Variants in PPIL6 observed in about 807,000 individuals in gnomAD.
PPIL6 encodes probable inactive peptidyl-prolyl cis-trans isomerase-like 6.
In PPIL6, 39 loss-of-function variants were observed where a neutral mutation model predicts 36.8. The observed-to-expected ratio is 1.06, with a 90% CI of 0.82 to 1.38. The LOEUF is 1.38. PPIL6 is among the 40% of genes most tolerant of loss of function. The pLI, the probability that PPIL6 is intolerant of heterozygous loss-of-function variation, is 0.00. For synonymous variants in PPIL6, 123 were observed against 134.1 expected (o/e 0.92, Z 0.57); for missense variants, 368 against 379.1 (o/e 0.97, Z 0.24).
At chr6:109,421,214 C>T (rs980571313) in intron 5 of PPIL6, among the ~76,000 whole-genome samples, 1 of 152,184 alleles carries the variant, frequency 6.6e-6, no homozygotes, top group African/African-American at 2.4e-5. Flanking sequence ...ATATTGACAC[C>T]ATTTCAATCC....
chr6:109,419,674 G>T (rs962946071), intron 5 of PPIL6, among the ~76,000 whole-genome samples: 8 of 151,758 alleles, frequency 5.3e-5, no homozygotes, highest in Non-Finnish European at 8.8e-5. Context: ...GGTGAGCCGA[G>T]ATTGCGCCAT....
chr6:109,430,031 T>G (rs1212841606), intron 3 of PPIL6, among the ~76,000 whole-genome samples: 1 of 152,216 alleles, frequency 6.6e-6, no homozygotes, highest in Non-Finnish European at 1.5e-5. Flanking sequence ...GTTTGAACAT[T>G]AAATGCCTCC....
Position 109,392,891 on chromosome 6 carries a change from G to T in PPIL6, c.871C>A (p.Pro291Thr), listed in dbSNP as rs763608879. ...TGTATTGGTCTTTCATTCTGTGTTGGAACTAATTCTAGTTGTTTAAGCACT... is the reference window on the plus strand; with the variant it reads ...TGTATTGGTCTTTCATTCTGTGTTGTAACTAATTCTAGTTGTTTAAGCACT... The part of the protein sequence containing the change: ...TEVLKQLELV[P>T]TQNERPIHMC... The change falls in exon 8 of 8, where the codon CCA (proline) becomes ACA (threonine). Residue 291 changes from proline (P) to threonine (T), a missense_variant. Transcript: ENST00000521072. The T allele has an allele frequency of 1.2e-6, 2 of 1,611,696 alleles. No homozygotes were observed. The highest frequency in any genetic ancestry group is 1.1e-5 in the South Asian group (1 of 90,774).
intron 7 of PPIL6, among the ~76,000 whole-genome samples, chr6:109,394,129 G>A (rs77031799): frequency 0.012 from 1,874 of 152,054 alleles, 27 homozygotes; most frequent in South Asian, 0.048. Context: ...CCAGCACTTT[G>A]GGAGGCCAAG....
Position 109,438,777 on chromosome 6 carries a change from TG to T in PPIL6, c.135+1678del, listed in dbSNP as rs566283543. On this transcript the variant is annotated intron_variant, in intron 1 of 7. Transcript: ENST00000521072. ...ATAATTTTTGTATTTTTAGTAGAGA[TG>T]GGGTTTCACCATGTTGGCCAGGCTG... 1.8e-3 allele frequency among the ~76,000 whole-genome samples: 276 copies of T among 152,068 alleles called. 4 individuals are homozygous for T. Among genetic ancestry groups the T allele is most frequent in the Middle Eastern group, 6.8e-3 (2 of 294 alleles).
At chr6:109,426,115 T>C (rs1330736072) in intron 5 of PPIL6, among the ~76,000 whole-genome samples, 1 of 152,228 alleles carries the variant, frequency 6.6e-6, no homozygotes, top group African/African-American at 2.4e-5. Context: ...ATACCTGCTT[T>C]AACATGTAGG....
intron 7 of PPIL6, among the ~76,000 whole-genome samples, chr6:109,399,157 G>C (rs1772422287): frequency 6.6e-6 from 1 of 152,046 alleles, no homozygotes; most frequent in Non-Finnish European, 1.5e-5. Flanking sequence ...GCCCAGGATG[G>C]AGTGCAGTGG....
chr6:109,418,338 C>T (rs1030986917), intron 6 of PPIL6: 1 of 152,728 alleles, frequency 6.5e-6, no homozygotes, highest in Non-Finnish European at 1.5e-5. Context: ...TGTACTCACA[C>T]ACTATTGGCT....
At chr6:109,417,735 T>C (rs1055993426) in intron 6 of PPIL6, among the ~76,000 whole-genome samples, 2 of 152,216 alleles carry the variant, frequency 1.3e-5, no homozygotes, top group African/African-American at 4.8e-5. Context: ...GCCACAACCT[T>C]GCATAAAGGC....
chr6:109,433,836 A>C (rs936064821), intron 2 of PPIL6, among the ~76,000 whole-genome samples: 2 of 152,226 alleles, frequency 1.3e-5, no homozygotes, highest in African/African-American at 4.8e-5. Context: ...AGGAAGGATA[A>C]GGAATATCAC....
chr6:109,402,310 T>C (rs1291197382), intron 6 of PPIL6, among the ~76,000 whole-genome samples: 2 of 151,874 alleles, frequency 1.3e-5, no homozygotes, highest in African/African-American at 4.8e-5. Context: ...CCAAGGTGGG[T>C]GGGTCGCTTG....
intron 2 of PPIL6, 38 bp from the exon 3 acceptor site, chr6:109,431,383 G>T: frequency 7.4e-7 from 1 of 1,358,662 alleles, no homozygotes; most frequent in South Asian, 1.3e-5. Context: ...AAAAACGTAA[G>T]AAGTGGGGGG....
At chr6:109,405,069 AAG>A (rs1772739783) in intron 6 of PPIL6, 2 of 402,540 alleles carry the variant, frequency 5.0e-6, no homozygotes, top group South Asian at 3.6e-5. Flanking sequence ...GAAAAAAAAA[AAG>A]ATATCTTTTC....
rs1025523186 is a variant in PPIL6, at chr6:109,390,732, A to G, written c.*2094T>C. The stretch of plus-strand genomic sequence containing the variant: ...CTCATGATAAAATGGCATCACACAC[A>G]TTGTACCAATGTCAGCTGCCTGGTT... On this transcript the variant is annotated 3_prime_UTR_variant, in exon 8 of 8. Coordinates refer to ENST00000521072, the MANE Select transcript of PPIL6 (RefSeq NM_173672.5). The G allele has an allele frequency of 1.3e-5, 2 of 152,198 alleles. No individual in the cohort carries two copies. The highest frequency in any genetic ancestry group is 6.5e-5 in the Admixed American group (1 of 15,276). 9.4% of individuals were successfully genotyped at this position (152,198 alleles called of 1,614,324 possible). A position where few individuals can be genotyped will look rare whatever the true frequency, so the allele number is the denominator to read the frequency against.
chr6:109,410,634 A>G (rs2115220175), intron 6 of PPIL6, among the ~76,000 whole-genome samples: 1 of 152,284 alleles, frequency 6.6e-6, no homozygotes, highest in South Asian at 2.1e-4. Flanking sequence ...GGGTATCTAT[A>G]TCTCTAGCGC....
chr6:109,392,991 G>C, intron 7 of PPIL6, 54 bp from the exon 8 acceptor site: 6 of 1,040,222 alleles, frequency 5.8e-6, no homozygotes, highest in Non-Finnish European at 5.8e-6. Context: ...TTCATATTTA[G>C]CTTAACATTC....
intron 6 of PPIL6, chr6:109,404,843 G>C (rs1222361108): frequency 1.8e-5 from 3 of 164,354 alleles, no homozygotes; most frequent in African/African-American, 7.2e-5. Context: ...CACGGGGTCA[G>C]GAGTTTGAGA....
intron 6 of PPIL6, 108 bp downstream of exon 6, chr6:109,419,079 G>A (rs1562265172): frequency 2.6e-6 from 2 of 757,608 alleles, no homozygotes; most frequent in East Asian, 2.6e-5. Flanking sequence ...TGCTTGTACT[G>A]TAAGTATTGC....
At chr6:109,399,939 G>T in intron 7 of PPIL6, 96 bp downstream of exon 7, 2 of 896,662 alleles carry the variant, frequency 2.2e-6, no homozygotes, top group East Asian at 2.9e-5. Flanking sequence ...CCTATTTTTA[G>T]CTACCTATAC....
Sources: gnomAD v4.1 joint callset for allele counts (sites outside exome capture counted in the v4.1 genomes callset) on GRCh38, gnomAD v4.1.1 for gene constraint, MANE v1.5 for transcripts, NCBI Gene and HGNC (gene_info 2026-07-23, HGNC 2026-07-21) for gene names.